Variants in SNX29 observed in about 807,000 individuals in gnomAD.
SNX29 encodes sorting nexin 29.
SNX29 carries 78 observed loss-of-function variants against 102.1 expected under a neutral mutation model. The observed-to-expected ratio is 0.76, with a 90% CI of 0.64 to 0.92. The LOEUF (loss-of-function observed/expected upper bound fraction) is 0.92. Ranked by LOEUF, SNX29 falls within the 40% of genes least tolerant of loss-of-function variation. The pLI, the probability that SNX29 is intolerant of heterozygous loss-of-function variation, is 0.00. For synonymous variants in SNX29, 580 were observed against 414.5 expected (o/e 1.40, Z -4.85); for missense variants, 1,280 against 1,061.7 (o/e 1.21, Z -2.86).
chr16:12,053,739 G>A (rs896866895), intron 8 of SNX29, among the ~76,000 whole-genome samples: 1 of 150,566 alleles, frequency 6.6e-6, no homozygotes, highest in East Asian at 2.0e-4. Flanking sequence ...CTGCATGGAT[G>A]CTTGTACTAG....
chr16:12,540,774 G>C (rs537751387), intron 20 of SNX29, among the ~76,000 whole-genome samples: 8 of 152,340 alleles, frequency 5.3e-5, no homozygotes, highest in African/African-American at 1.7e-4. Flanking sequence ...CTCCCCTAGA[G>C]TGTCAGGTGC....
At chr16:12,114,009 T>G (rs1446282532) in intron 11 of SNX29, among the ~76,000 whole-genome samples, 1 of 152,238 alleles carries the variant, frequency 6.6e-6, no homozygotes, top group Non-Finnish European at 1.5e-5. Flanking sequence ...AGTTAGAGGC[T>G]GGGCCCACAG....
intron 4 of SNX29, among the ~76,000 whole-genome samples, chr16:12,033,583 T>C (rs898212147): frequency 5.3e-5 from 8 of 152,086 alleles, no homozygotes; most frequent in African/African-American, 1.9e-4. Context: ...ATCAAACCTA[T>C]GTATGGAACT....
At chr16:11,998,425 C>G (rs1004822740) in intron 1 of SNX29, among the ~76,000 whole-genome samples, 1 of 152,128 alleles carries the variant, frequency 6.6e-6, no homozygotes, top group African/African-American at 2.4e-5. Flanking sequence ...GTTGGGAATG[C>G]TTTTGGATGC....
intron 15 of SNX29, among the ~76,000 whole-genome samples, chr16:12,348,158 G>C (rs1032411720): frequency 6.6e-6 from 1 of 152,128 alleles, no homozygotes; most frequent in African/African-American, 2.4e-5. Context: ...GCAGTGAGTA[G>C]ACAGGACCTG....
chr16:12,329,185 G>A (rs1481990071), intron 15 of SNX29, among the ~76,000 whole-genome samples: 2 of 146,420 alleles, frequency 1.4e-5, no homozygotes, highest in Non-Finnish European at 3.0e-5. Flanking sequence ...GCTGAGGCAG[G>A]AGGATCTCTT....
chr16:12,079,266 A>G (rs2051742272), intron 11 of SNX29, among the ~76,000 whole-genome samples: 1 of 152,260 alleles, frequency 6.6e-6, no homozygotes, highest in Admixed American at 6.5e-5. Context: ...TTGTAAGTGA[A>G]GAAGAATATG....
Position 12,027,357 on chromosome 16 carries a change from C to T in SNX29, c.160C>T (p.Gln54Ter). The T allele has an allele frequency of 1.9e-6, 3 of 1,614,104 alleles. No individual in the cohort carries two copies. The highest frequency in any genetic ancestry group is 2.5e-6 in the Non-Finnish European group (3 of 1,179,976). Reference protein sequence around the residue: ...CLCAQFEAVLQHGLKRSRGLA... With the variant: ...CLCAQFEAVL ...GTGTGCCCAGTTTGAAGCCGTCCTG[C>T]AGCATGGCTTGAAGAGGAGTCGAGG... Residue 54 changes from glutamine (Q) to a stop codon, truncating the protein, a stop_gained, in exon 4 of 21, where the codon CAG becomes TAG. Coordinates refer to ENST00000566228, the MANE Select transcript of SNX29 (RefSeq NM_032167.5). LOFTEE classifies it high-confidence loss of function.
At chr16:12,215,594 C>A (rs1027020704) in intron 14 of SNX29, among the ~76,000 whole-genome samples, 1 of 152,144 alleles carries the variant, frequency 6.6e-6, no homozygotes, top group African/African-American at 2.4e-5. Context: ...AAGATTTCTG[C>A]CAGGCAGTGG....
At position 12,572,759 on chromosome 16, in the gene SNX29, G is replaced by T. The variant is rs2079214867; in HGVS notation, c.*4130G>T. ...GGAAGGGCTGGGTTTTCAGCTTCTG[G>T]GACCCGAGGAAGACCCCACCTCACT... On this transcript the variant is annotated 3_prime_UTR_variant, in exon 21 of 21. Transcript: ENST00000566228. 2 of 1,063,834 alleles carry T rather than the reference G, an allele frequency of 1.9e-6. No homozygotes were observed. The highest frequency in any genetic ancestry group is 3.3e-5 in the African/African-American group (2 of 60,998). The allele number at this position is 1,063,834 out of a possible 1,614,324, so 65.9% of individuals were successfully genotyped here.
chr16:12,178,208 C>T lies in SNX29; in HGVS notation c.1596-21393C>T, dbSNP rs552256220. On this transcript the variant is annotated intron_variant, in intron 13 of 20. Coordinates refer to ENST00000566228, the MANE Select transcript of SNX29 (RefSeq NM_032167.5). ...AGGGACCCTGGCAGGATGAGCATCT[C>T]GTGGTTACAGGGACCGGGGCATGGG... Among the ~76,000 whole-genome samples the T allele has an allele frequency of 1.8e-4, 28 of 152,236 alleles. No homozygotes were observed. In the Middle Eastern group the frequency reaches 0.01, roughly 55 times the overall value.
At chr16:12,357,029 C>A (rs528346814) in intron 16 of SNX29, among the ~76,000 whole-genome samples, 1 of 152,316 alleles carries the variant, frequency 6.6e-6, no homozygotes, top group South Asian at 2.1e-4. Flanking sequence ...TCAGTAGTGT[C>A]TTTGTAAACA....
intron 14 of SNX29, among the ~76,000 whole-genome samples, chr16:12,255,468 C>G (rs551628567): frequency 1.7e-4 from 26 of 152,276 alleles, no homozygotes; most frequent in South Asian, 8.3e-4. Flanking sequence ...CATGCTGTCC[C>G]CTAACCCGCC....
At chr16:12,325,866 A>T (rs2081097087) in intron 15 of SNX29, among the ~76,000 whole-genome samples, 1 of 151,976 alleles carries the variant, frequency 6.6e-6, no homozygotes. Context: ...GTCTCTAAAA[A>T]TTTTTTAAAG....
chr16:12,411,205 TG>T (rs1657752238), intron 18 of SNX29, among the ~76,000 whole-genome samples: 1 of 152,182 alleles, frequency 6.6e-6, no homozygotes, highest in Admixed American at 6.5e-5. Context: ...CTGTCACACC[TG>T]TTGTATACCA....
intron 16 of SNX29, among the ~76,000 whole-genome samples, chr16:12,359,053 G>C (rs919986140): frequency 1.3e-5 from 2 of 152,214 alleles, no homozygotes; most frequent in African/African-American, 4.8e-5. Flanking sequence ...GCATTTTATT[G>C]CTAGTGAGTC....
chr16:12,131,786 A>G (rs2054478368), intron 13 of SNX29, among the ~76,000 whole-genome samples: 1 of 152,224 alleles, frequency 6.6e-6, no homozygotes, highest in South Asian at 2.1e-4. Flanking sequence ...GATGCTGTGA[A>G]TGGCTCTAAT....
intron 11 of SNX29, among the ~76,000 whole-genome samples, chr16:12,097,158 G>A (rs2052800938): frequency 6.6e-6 from 1 of 152,222 alleles, no homozygotes; most frequent in Admixed American, 6.5e-5. Context: ...TGGTGCTGCC[G>A]AGTACTGAGT....
At chr16:12,150,719 T>C (rs117690433) in intron 13 of SNX29, among the ~76,000 whole-genome samples, 252 of 152,322 alleles carry the variant, frequency 1.7e-3, no homozygotes, top group Non-Finnish European at 2.4e-3. Context: ...AGGCCCCAAG[T>C]CCGTGAGGAG....
Sources: allele counts gnomAD v4.1 joint callset (sites outside exome capture counted in the v4.1 genomes callset), GRCh38; gene constraint gnomAD v4.1.1; transcripts MANE v1.5; gene names NCBI Gene and HGNC (gene_info 2026-07-23, HGNC 2026-07-21).